The following IGF1R variants were observed in gnomAD, a reference collection of about 807,000 sequenced individuals.
IGF1R encodes the protein insulin-like growth factor 1 receptor.
IGF1R carries 44 observed loss-of-function variants against 144.6 expected under a neutral mutation model. That is an observed-to-expected ratio of 0.30 (90% CI 0.24 to 0.39). The LOEUF (loss-of-function observed/expected upper bound fraction) is 0.39. Among genes scored for constraint, IGF1R ranks in the 10% least tolerant of loss-of-function variants. The pLI is 1.00. For synonymous variants in IGF1R, 795 were observed against 722.8 expected (o/e 1.10, Z -1.60); for missense variants, 1,355 against 1,833.7 (o/e 0.74, Z 4.77).
At chr15:98,882,882 A>G (rs2013450904) in intron 2 of IGF1R, among the ~76,000 whole-genome samples, 1 of 152,212 alleles carries the variant, frequency 6.6e-6, no homozygotes, top group African/African-American at 2.4e-5. Context: ...TAACAGGTTC[A>G]GAAAGGTGTG....
At chr15:98,932,782 A>G (rs1292424020) in intron 15 of IGF1R, among the ~76,000 whole-genome samples, 3 of 152,216 alleles carry the variant, frequency 2.0e-5, no homozygotes, top group Non-Finnish European at 4.4e-5. Flanking sequence ...GCAGAGTTCC[A>G]TTCGTGAAAC....
At chr15:98,705,922 C>T (rs969977981) in intron 1 of IGF1R, among the ~76,000 whole-genome samples, 7 of 152,220 alleles carry the variant, frequency 4.6e-5, no homozygotes, top group African/African-American at 1.7e-4. Context: ...TTCACCCTGA[C>T]CATCAGATCT....
intron 2 of IGF1R, among the ~76,000 whole-genome samples, chr15:98,785,379 A>C (rs1180852949): frequency 6.6e-6 from 1 of 152,198 alleles, no homozygotes; most frequent in African/African-American, 2.4e-5. Context: ...TTTGTAGCAT[A>C]TGAAAGTAGT....
In IGF1R at chr15:98,935,570, C is replaced by T; in HGVS notation, c.3297+144C>T. 1 of 711,978 alleles carries T rather than the reference C, an allele frequency of 1.4e-6. No homozygotes were observed. Among genetic ancestry groups the T allele is most frequent in the Non-Finnish European group, 2.6e-6 (1 of 386,094 alleles). The allele number at this position is 711,978 out of a possible 1,614,324, so 44.1% of individuals were successfully genotyped here. On this transcript the variant is annotated intron_variant, in intron 17 of 20. Coordinates refer to ENST00000650285, the MANE Select transcript of IGF1R (RefSeq NM_000875.5). The surrounding 1 kb of genome is among the most constrained non-coding windows in gnomAD (Gnocchi z 4.2). ...TCTTACTGCATGCTCAGTTGTAGGT[C>T]ATTTATGCAAAGGATTTCCCCAACT...
chr15:98,953,932 G>A (rs2016877033), intron 20 of IGF1R, among the ~76,000 whole-genome samples: 1 of 152,152 alleles, frequency 6.6e-6, no homozygotes, highest in African/African-American at 2.4e-5. Context: ...GAGGCACACA[G>A]GCCCCATGTC....
In IGF1R at chr15:98,948,630, G is replaced by T; in HGVS notation, c.3644G>T (p.Gly1215Val). 2 of 1,614,142 alleles carry T rather than the reference G, an allele frequency of 1.2e-6. No homozygotes were observed. Among genetic ancestry groups the T allele is most frequent in the Non-Finnish European group, 1.7e-6 (2 of 1,179,990 alleles). Residue 1215 changes from glycine to valine, a missense_variant, in exon 20 of 21, where the codon GGC becomes GTC. Physicochemically the swap from Gly to Val is moderately radical, Grantham distance 109. This residue lies in a region of IGF1R where 77 missense variants were observed against 163.2 expected (regional missense o/e 0.47). Transcript: ENST00000650285. Reference protein sequence around the residue: ...IATLAEQPYQGLSNEQVLRFV... With the variant: ...IATLAEQPYQVLSNEQVLRFV... The stretch of plus-strand genomic sequence containing the variant: ...ACACTGGCCGAGCAGCCCTACCAGG[G>T]CTTGTCCAACGAGCAAGTCCTTCGC...
At chr15:98,727,870 G>A (rs1169795570) in intron 2 of IGF1R, among the ~76,000 whole-genome samples, 2 of 152,176 alleles carry the variant, frequency 1.3e-5, no homozygotes, top group African/African-American at 4.8e-5. Context: ...CCAGGCCGGG[G>A]CTGCTGGGCC....
intron 2 of IGF1R, among the ~76,000 whole-genome samples, chr15:98,817,548 T>C (rs1567143577): frequency 6.6e-6 from 1 of 151,902 alleles, no homozygotes; most frequent in East Asian, 1.9e-4. Flanking sequence ...CTAAGGGAGA[T>C]TGGAAGGTCC....
chr15:98,839,810 C>T (rs2011144547), intron 2 of IGF1R, among the ~76,000 whole-genome samples: 3 of 152,168 alleles, frequency 2.0e-5, no homozygotes, highest in Admixed American at 6.5e-5. Flanking sequence ...TCCATAGATG[C>T]CAAGTCATCT....
intron 2 of IGF1R, among the ~76,000 whole-genome samples, chr15:98,858,765 C>T (rs1351178452): frequency 6.6e-6 from 1 of 152,216 alleles, no homozygotes; most frequent in African/African-American, 2.4e-5. Context: ...AAATCTCTCA[C>T]TCTGTTTTAG....
At chr15:98,881,607 GC>G (rs1318743414) in intron 2 of IGF1R, among the ~76,000 whole-genome samples, 4 of 152,210 alleles carry the variant, frequency 2.6e-5, no homozygotes, top group African/African-American at 9.7e-5. Context: ...ACAGGCGTGA[GC>G]CACTGTGCCT....
Position 98,961,840 on chromosome 15 carries a change from G to A in IGF1R, c.*4398G>A, listed in dbSNP as rs757561045. ...CCTTGGAAGATGGAAGACCGTGTTC[G>A]TGGCCGACCTGGCCTCTCCTGGCCT... On this transcript the variant is annotated 3_prime_UTR_variant, in exon 21 of 21. Transcript: ENST00000650285. 11 of 233,196 alleles carry A rather than the reference G, an allele frequency of 4.7e-5. No individual in the cohort carries two copies. Among genetic ancestry groups the A allele is most frequent in the Admixed American group, 1.7e-4 (3 of 17,784 alleles). 14.4% of individuals were successfully genotyped at this position (233,196 alleles called of 1,614,324 possible).
intron 2 of IGF1R, among the ~76,000 whole-genome samples, chr15:98,763,647 A>G (rs1448594442): frequency 6.6e-6 from 1 of 152,150 alleles, no homozygotes; most frequent in Non-Finnish European, 1.5e-5. Flanking sequence ...TTTTGATCTC[A>G]TCCAGGTTGT....
At chr15:98,791,051 T>A (rs751593264) in intron 2 of IGF1R, among the ~76,000 whole-genome samples, 1 of 152,246 alleles carries the variant, frequency 6.6e-6, no homozygotes, top group Non-Finnish European at 1.5e-5. Context: ...TCCCAGACTT[T>A]CTTTAAAGAA....
chr15:98,657,441 G>T (rs2052512440), intron 1 of IGF1R, among the ~76,000 whole-genome samples: 1 of 152,160 alleles, frequency 6.6e-6, no homozygotes, highest in South Asian at 2.1e-4. Context: ...TATCTGTGTT[G>T]TCCTGTATTT....
At chr15:98,821,265 T>C (rs973159388) in intron 2 of IGF1R, among the ~76,000 whole-genome samples, 45 of 151,728 alleles carry the variant, frequency 3.0e-4, no homozygotes, top group African/African-American at 1.1e-3. Context: ...TATAGTTGTC[T>C]TTTATTTTAA....
chr15:98,715,427 T>C (rs1011562461), intron 2 of IGF1R, among the ~76,000 whole-genome samples: 4 of 152,194 alleles, frequency 2.6e-5, no homozygotes, highest in Admixed American at 2.0e-4. Context: ...ATGCCAAGTA[T>C]TTGGAAAATA....
At chr15:98,788,647 G>C (rs1760997373) in intron 2 of IGF1R, among the ~76,000 whole-genome samples, 1 of 152,214 alleles carries the variant, frequency 6.6e-6, no homozygotes, top group South Asian at 2.1e-4. Flanking sequence ...GCTCAGCCTT[G>C]ATTGGGCTAC....
At chr15:98,725,845 A>T (rs1000921532) in intron 2 of IGF1R, among the ~76,000 whole-genome samples, 4 of 152,222 alleles carry the variant, frequency 2.6e-5, no homozygotes, top group Admixed American at 1.3e-4. Context: ...GAAAATGTGG[A>T]AGAAGCAAAA....
Sources: gnomAD v4.1 joint callset for allele counts (sites outside exome capture counted in the v4.1 genomes callset) on GRCh38, gnomAD v4.1.1 for gene constraint, gnomAD v4.1.1 regional missense constraint, Gnocchi (gnomAD v3.1) non-coding constraint, MANE v1.5 for transcripts, NCBI Gene and HGNC (gene_info 2026-07-23, HGNC 2026-07-21) for gene names.